The following F13A1 variants were observed in gnomAD, a reference collection of about 807,000 sequenced individuals.
The protein encoded by F13A1 is FSF, A subunit.
A neutral mutation model predicts 80.1 loss-of-function variants in F13A1; 47 were observed. That is an observed-to-expected ratio of 0.59 (90% CI 0.46 to 0.75). The LOEUF is 0.75. F13A1 is among the 30% of genes least tolerant of loss of function. F13A1 has a pLI of 0.00. For synonymous variants in F13A1, 349 were observed against 344.9 expected (o/e 1.01, Z -0.13); for missense variants, 817 against 930.4 (o/e 0.88, Z 1.59).
At chr6:6,237,624 A>C (rs551860524) in intron 6 of F13A1, among the ~76,000 whole-genome samples, 2 of 152,280 alleles carry the variant, frequency 1.3e-5, no homozygotes, top group African/African-American at 4.8e-5. Context: ...TCACCCTGGG[A>C]ATCTTTACTT....
rs1027622102 is a variant in F13A1, at chr6:6,145,746, T to C, written c.2072A>G (p.Gln691Arg). The C allele has an allele frequency of 1.9e-6, 3 of 1,613,970 alleles. No individual in the cohort carries two copies. The highest frequency in any genetic ancestry group is 2.2e-5 in the East Asian group (1 of 44,886). ...CCAGGGCCGGCACACTTCTTCCCAC[T>C]GCACGGTGGAGTTGGGCCGGATTTC... is the stretch of plus-strand genomic sequence containing the variant. ...FREIRPNSTV[Q>R]WEEVCRPWVS... The change falls in exon 15 of 15, where the codon CAG (glutamine) becomes CGG (arginine). Residue 691 changes from glutamine to arginine, a missense_variant. Physicochemically the swap from Gln to Arg is conservative, Grantham distance 43. Coordinates refer to ENST00000264870, the MANE Select transcript of F13A1 (RefSeq NM_000129.4).
chr6:6,159,360 A>C (rs1561638220), intron 13 of F13A1, among the ~76,000 whole-genome samples: 1 of 152,120 alleles, frequency 6.6e-6, no homozygotes, highest in Non-Finnish European at 1.5e-5. Flanking sequence ...TTCTACTGTT[A>C]ACCTCGGTAA....
intron 8 of F13A1, among the ~76,000 whole-genome samples, chr6:6,202,075 C>T (rs148066560): frequency 1.3e-5 from 2 of 151,198 alleles, no homozygotes; most frequent in African/African-American, 4.9e-5. Context: ...TATCGATTAC[C>T]TCCCATATTT....
intron 2 of F13A1, among the ~76,000 whole-genome samples, chr6:6,317,991 G>T (rs1758709304): frequency 6.6e-6 from 1 of 152,192 alleles, no homozygotes; most frequent in East Asian, 1.9e-4. Context: ...GGCTGGGGAA[G>T]CAGCTTGCCT....
intron 3 of F13A1, among the ~76,000 whole-genome samples, chr6:6,286,376 A>T (rs745764001): frequency 2.6e-5 from 4 of 152,346 alleles, no homozygotes; most frequent in Non-Finnish European, 4.4e-5. Flanking sequence ...ACAGAGCAAG[A>T]GTCTGTCTCA....
At chr6:6,158,289 G>T (rs1358483806) in intron 13 of F13A1, among the ~76,000 whole-genome samples, 2 of 152,150 alleles carry the variant, frequency 1.3e-5, no homozygotes, top group Non-Finnish European at 2.9e-5. Flanking sequence ...GAGCAAGCTG[G>T]ATGCAGGGGC....
intron 13 of F13A1, among the ~76,000 whole-genome samples, chr6:6,154,959 T>C (rs1190143650): frequency 6.6e-6 from 1 of 152,252 alleles, no homozygotes; most frequent in Non-Finnish European, 1.5e-5. Flanking sequence ...TGGTATGCTA[T>C]ATAAGGATGG....
intron 2 of F13A1, among the ~76,000 whole-genome samples, chr6:6,316,141 A>ATATG (rs1758682548): frequency 1.8e-5 from 1 of 56,316 alleles, no homozygotes; most frequent in Non-Finnish European, 3.5e-5. Flanking sequence ...ATATATATAT[A>ATATG]TAGTTTTTTT....
chr6:6,314,128 CCAA>C (rs2113200289), intron 2 of F13A1, among the ~76,000 whole-genome samples: 1 of 151,758 alleles, frequency 6.6e-6, no homozygotes, highest in South Asian at 2.1e-4. Flanking sequence ...ATTACAGGCG[CCAA>C]CCACCACCCC....
intron 13 of F13A1, among the ~76,000 whole-genome samples, chr6:6,156,286 A>G (rs6912528): frequency 0.2 from 30,764 of 152,226 alleles, 3,249 homozygotes; most frequent in Middle Eastern, 0.28. Flanking sequence ...TTGGTAAACA[A>G]GAAAGTTACT....
intron 11 of F13A1, among the ~76,000 whole-genome samples, chr6:6,177,155 A>G (rs1015680575): frequency 2.6e-5 from 4 of 152,208 alleles, no homozygotes; most frequent in Admixed American, 2.6e-4. Flanking sequence ...AAGCCAGATT[A>G]TATTTTCTGA....
chr6:6,209,335 A>AC (rs1442942884), intron 8 of F13A1, among the ~76,000 whole-genome samples: 4 of 151,930 alleles, frequency 2.6e-5, no homozygotes, highest in East Asian at 3.9e-4. Context: ...AAAAAAAAAA[A>AC]AAAACAGAAA....
At chr6:6,146,362 C>T (rs1233944046) in intron 14 of F13A1, among the ~76,000 whole-genome samples, 1 of 152,182 alleles carries the variant, frequency 6.6e-6, no homozygotes, top group African/African-American at 2.4e-5. Flanking sequence ...CCAAATTGGG[C>T]CCCTCCACCT....
chr6:6,222,629 T>C (rs1374135884), intron 7 of F13A1, among the ~76,000 whole-genome samples: 2 of 152,184 alleles, frequency 1.3e-5, no homozygotes, highest in Non-Finnish European at 2.9e-5. Context: ...ACACCACAGA[T>C]TCATTTTAGT....
intron 6 of F13A1, among the ~76,000 whole-genome samples, chr6:6,247,826 C>T (rs1438828984): frequency 2.0e-5 from 3 of 152,160 alleles, no homozygotes; most frequent in East Asian, 1.9e-4. Flanking sequence ...ATACCCACTT[C>T]GTAAGTGAGA....
intron 14 of F13A1, among the ~76,000 whole-genome samples, chr6:6,148,386 G>A (rs915183476): frequency 1.3e-5 from 2 of 152,140 alleles, no homozygotes; most frequent in African/African-American, 4.8e-5. Context: ...CACCTTCCAG[G>A]CCCTCTGCTT....
chr6:6,233,750 A>G (rs920738591), intron 6 of F13A1, among the ~76,000 whole-genome samples: 2 of 152,220 alleles, frequency 1.3e-5, no homozygotes, highest in Admixed American at 1.3e-4. Flanking sequence ...ATAATCCGCC[A>G]TGATCAAGTG....
At chr6:6,268,255 A>C (rs1757872605) in intron 3 of F13A1, among the ~76,000 whole-genome samples, 1 of 152,226 alleles carries the variant, frequency 6.6e-6, no homozygotes, top group South Asian at 2.1e-4. Context: ...GAAAAAGCCA[A>C]AGCATGTGGC....
At chr6:6,301,585 A>G (rs898631405) in intron 3 of F13A1, among the ~76,000 whole-genome samples, 1 of 152,238 alleles carries the variant, frequency 6.6e-6, no homozygotes, top group Admixed American at 6.5e-5. Context: ...CTCAAAAACA[A>G]ATTAGCTATG....
Sources: allele counts gnomAD v4.1 joint callset (sites outside exome capture counted in the v4.1 genomes callset), GRCh38; gene constraint gnomAD v4.1.1; transcripts MANE v1.5; gene names NCBI Gene and HGNC (gene_info 2026-07-23, HGNC 2026-07-21).